TBC1D10A: variants seen among roughly 807,000 people sequenced by gnomAD.
TBC1D10A encodes EBP50-PDX interactor of 64 kDa.
Under a neutral mutation model 52.9 loss-of-function variants are expected in TBC1D10A, and 24 were observed. The ratio of observed to expected loss-of-function variants is 0.45; its 90% CI spans 0.33 to 0.64. The LOEUF is 0.64. Among genes scored for constraint, TBC1D10A ranks in the 30% least tolerant of loss-of-function variants. TBC1D10A has a pLI of 0.02. For missense variants in TBC1D10A, 602 were observed against 687.9 expected, an observed-to-expected ratio of 0.88 and a Z score of 1.40; for synonymous variants, 278 against 282.9, an observed-to-expected ratio of 0.98 and a Z score of 0.17.
rs990846516 is a variant in TBC1D10A at position 30,303,431 on chromosome 22, G to A, written c.309+1100C>T. On this transcript the variant is annotated intron_variant, in intron 2 of 8. Coordinates refer to ENST00000215790, the MANE Select transcript of TBC1D10A (RefSeq NM_031937.3). Reference sequence around the variant, plus strand: ...CATAGCACAGGGCTTCACCATCTACGATACAGTCTACGAAGCACTTACCAC... The same window carrying A: ...CATAGCACAGGGCTTCACCATCTACAATACAGTCTACGAAGCACTTACCAC... 1.4e-4 allele frequency among the ~76,000 whole-genome samples: 22 copies of A among 152,316 alleles called. 3 individuals are homozygous for A. The highest frequency in any genetic ancestry group is 1.2e-3 in the Admixed American group (19 of 15,312).
chr22:30,323,124 C>T (rs1266981837), intron 1 of TBC1D10A, among the ~76,000 whole-genome samples: 2 of 151,408 alleles, frequency 1.3e-5, no homozygotes, highest in Admixed American at 6.6e-5. Flanking sequence ...AGGCTGGTCT[C>T]GAATTCCTGA....
At chr22:30,323,336 A>C (rs930642509) in intron 1 of TBC1D10A, among the ~76,000 whole-genome samples, 5 of 152,212 alleles carry the variant, frequency 3.3e-5, no homozygotes, top group Non-Finnish European at 4.4e-5. Flanking sequence ...ACTGGTAATG[A>C]CAACATATTC....
chr22:30,312,690 G>A (rs1177475707), intron 1 of TBC1D10A, among the ~76,000 whole-genome samples: 1 of 152,044 alleles, frequency 6.6e-6, no homozygotes, highest in Non-Finnish European at 1.5e-5. Flanking sequence ...CCCTACCCCT[G>A]AGCCATCTTC....
At chr22:30,324,515 T>C (rs932222397) in intron 1 of TBC1D10A, among the ~76,000 whole-genome samples, 3 of 152,034 alleles carry the variant, frequency 2.0e-5, no homozygotes, top group African/African-American at 7.3e-5. Context: ...CCCGGGTTTG[T>C]GGTTGTGGGG....
chr22:30,320,810 T>C (rs1272422845), intron 1 of TBC1D10A, among the ~76,000 whole-genome samples: 3 of 152,258 alleles, frequency 2.0e-5, no homozygotes, highest in Admixed American at 2.0e-4. Context: ...AGAATGATCC[T>C]GCAAAGTCAG....
intron 1 of TBC1D10A, among the ~76,000 whole-genome samples, chr22:30,316,923 C>A (rs1930549518): frequency 6.6e-6 from 1 of 152,030 alleles, no homozygotes; most frequent in African/African-American, 2.4e-5. Context: ...CCTGTAATCC[C>A]AGCTACTCAG....
intron 1 of TBC1D10A, among the ~76,000 whole-genome samples, chr22:30,323,173 G>A (rs1930693604): frequency 6.6e-6 from 1 of 152,332 alleles, no homozygotes; most frequent in Middle Eastern, 3.4e-3. Context: ...CCAAAGTGCT[G>A]GGATTATAGG....
intron 1 of TBC1D10A, among the ~76,000 whole-genome samples, chr22:30,308,262 C>T (rs1930350111): frequency 1.7e-5 from 2 of 119,826 alleles, no homozygotes. Context: ...CAGGCCAAGC[C>T]CTCAGCCTCC....
chr22:30,297,029 C>T lies in TBC1D10A; in HGVS notation c.418-1186G>A, dbSNP rs1428185613. 1 of 152,276 alleles carries T rather than the reference C, an allele frequency of 6.6e-6. No homozygotes were observed. Among genetic ancestry groups the T allele is most frequent in the East Asian group, 1.9e-4 (1 of 5,200 alleles). The allele number at this position is 152,276 out of a possible 1,614,324, so 9.4% of individuals were successfully genotyped here. A position where few individuals can be genotyped will look rare whatever the true frequency, so the allele number is the denominator to read the frequency against. On this transcript the variant is annotated intron_variant, in intron 3 of 8. Coordinates refer to ENST00000215790, the MANE Select transcript of TBC1D10A (RefSeq NM_031937.3). This position sits in a 1 kb window ranked among gnomAD's most constrained non-coding sequence, Gnocchi z 4.3. ...AGCAAACATACCCAGTGGGCGCAGA[C>T]ACAGGCCCTGCCCTGACGAGCAGGT... is the stretch of plus-strand genomic sequence containing the variant.
chr22:30,326,787 G>A lies in TBC1D10A; in HGVS notation c.95C>T (p.Ala32Val). The A allele has an allele frequency of 6.7e-7, 1 of 1,503,410 alleles. No homozygotes were observed. The highest frequency in any genetic ancestry group is 8.9e-7 in the Non-Finnish European group (1 of 1,125,126). 93.1% of individuals were successfully genotyped at this position (1,503,410 alleles called of 1,614,324 possible). Residue 32 changes from alanine to valine, a missense_variant, in exon 1 of 9, where the codon GCC becomes GTC. By Grantham distance (64) the Ala-to-Val change is moderately conservative (BLOSUM62 0). Coordinates refer to ENST00000215790, the MANE Select transcript of TBC1D10A (RefSeq NM_031937.3). Reference sequence around the variant, plus strand: ...AGAGCTGAGTTCGTCGGTGGTTGCGGCGTCGGGGCCCTGGGCCAGGCTCTC... The same window carrying A: ...AGAGCTGAGTTCGTCGGTGGTTGCGACGTCGGGGCCCTGGGCCAGGCTCTC... ...TRESLAQGPD[A>V]ATTDELSSLG...
In TBC1D10A at chr22:30,292,261, C is replaced by T. The variant is rs763908329; in HGVS notation, c.*114G>A. On this transcript the variant is annotated 3_prime_UTR_variant, in exon 9 of 9. Coordinates refer to ENST00000215790, the MANE Select transcript of TBC1D10A (RefSeq NM_031937.3). ...TGTGTTGGACCAGCCAGACTCCAGC[C>T]CAGCCCAGTGGCCAGGCAGCTTGGC... 1.1e-6 allele frequency: 1 copy of T among 951,730 alleles called. No homozygotes were observed. Among genetic ancestry groups the T allele is most frequent in the Non-Finnish European group, 1.5e-6 (1 of 645,762 alleles). 59.0% of individuals were successfully genotyped at this position (951,730 alleles called of 1,614,324 possible).
intron 2 of TBC1D10A, among the ~76,000 whole-genome samples, chr22:30,300,934 G>A (rs768615143): frequency 1.7e-4 from 26 of 152,182 alleles, no homozygotes; most frequent in African/African-American, 5.5e-4. Context: ...GCTCAATTCC[G>A]GCTAGCTGTT....
intron 1 of TBC1D10A, among the ~76,000 whole-genome samples, chr22:30,308,475 C>T (rs1466911650): frequency 1.3e-5 from 2 of 152,232 alleles, no homozygotes; most frequent in East Asian, 1.9e-4. Context: ...AACCAGAATA[C>T]ATTTTAGGAA....
chr22:30,294,711 G>C, intron 6 of TBC1D10A, 85 bp downstream of exon 6: 4 of 1,581,698 alleles, frequency 2.5e-6, no homozygotes, highest in Non-Finnish European at 3.5e-6. Flanking sequence ...TTTTAACCTG[G>C]GCAGGAGTTA....
intron 1 of TBC1D10A, among the ~76,000 whole-genome samples, chr22:30,324,877 A>G (rs962864823): frequency 2.0e-5 from 3 of 152,172 alleles, no homozygotes; most frequent in African/African-American, 7.2e-5. Flanking sequence ...TTTTCCTAAT[A>G]TATCACATTG....
rs1383203026 is a variant in TBC1D10A at position 30,295,010 on chromosome 22, C to A, written c.570G>T (p.Arg190=). Residue 190 remains arginine, a synonymous_variant, in exon 5 of 9, where the codon CGG becomes CGT. Coordinates refer to ENST00000215790, the MANE Select transcript of TBC1D10A (RefSeq NM_031937.3). ...FRVLKAYTLY[R]PEEGYCQAQA... is the part of the protein sequence containing the mutation. The stretch of plus-strand genomic sequence containing the variant: ...GGGCCTGGCAGTAGCCCTCCTCGGG[C>A]CGGTACAGCGTGTAGGCCTTCAGCA... 2 of 1,614,052 alleles carry A rather than the reference C, an allele frequency of 1.2e-6. No homozygotes were observed. The highest frequency in any genetic ancestry group is 1.7e-6 in the Non-Finnish European group (2 of 1,180,036).
intron 1 of TBC1D10A, among the ~76,000 whole-genome samples, chr22:30,310,584 C>T (rs1930404464): frequency 6.6e-6 from 1 of 152,176 alleles, no homozygotes; most frequent in Admixed American, 6.5e-5. Flanking sequence ...AGGAATGCCA[C>T]CTCCTCAGAG....
chr22:30,311,017 G>C (rs1281888361), intron 1 of TBC1D10A, among the ~76,000 whole-genome samples: 1 of 152,146 alleles, frequency 6.6e-6, no homozygotes, highest in Non-Finnish European at 1.5e-5. Flanking sequence ...TGGATGTGCA[G>C]GGGGAGCATG....
intron 1 of TBC1D10A, among the ~76,000 whole-genome samples, chr22:30,308,355 G>A (rs1431842313): frequency 1.2e-5 from 1 of 82,880 alleles, no homozygotes; most frequent in South Asian, 4.7e-4. Flanking sequence ...TGCCTGCCTA[G>A]ATCTCGTAAA....
Sources: allele counts gnomAD v4.1 joint callset (sites outside exome capture counted in the v4.1 genomes callset), GRCh38; gene constraint gnomAD v4.1.1; non-coding constraint Gnocchi (gnomAD v3.1); transcripts MANE v1.5; gene names NCBI Gene and HGNC (gene_info 2026-07-23, HGNC 2026-07-21).